The following CEACAM8 variants were observed in gnomAD, a reference collection of about 807,000 sequenced individuals.
The protein encoded by CEACAM8 is CEA cell adhesion molecule 8.
Under a neutral mutation model 33.4 loss-of-function variants are expected in CEACAM8, and 31 were observed. The observed-to-expected ratio is 0.93, with a 90% confidence interval of 0.70 to 1.25. The LOEUF (loss-of-function observed/expected upper bound fraction) is 1.25. Ranked by LOEUF, CEACAM8 falls within the 50% of genes most tolerant of loss-of-function variation. The pLI, the probability that CEACAM8 is intolerant of heterozygous loss-of-function variation, is 0.00. For missense variants in CEACAM8, 388 were observed against 434.6 expected (o/e 0.89, Z 0.95); for synonymous variants, 138 against 164.5 (o/e 0.84, Z 1.23).
chr19:42,585,168 T>C (rs1395741748), intron 4 of CEACAM8, among the ~76,000 whole-genome samples: 1 of 151,960 alleles, frequency 6.6e-6, no homozygotes, highest in Non-Finnish European at 1.5e-5. Flanking sequence ...CATGATGGTA[T>C]GCACCTGTAG....
chr19:42,587,295 G>A (rs190224834), intron 4 of CEACAM8, among the ~76,000 whole-genome samples: 1 of 152,290 alleles, frequency 6.6e-6, no homozygotes, highest in African/African-American at 2.4e-5. Context: ...GTACACTGAT[G>A]TTCACAGCAG....
intron 4 of CEACAM8, among the ~76,000 whole-genome samples, chr19:42,586,643 A>G (rs376401832): frequency 4.9e-4 from 75 of 152,304 alleles, no homozygotes; most frequent in African/African-American, 1.8e-3. Flanking sequence ...AGAAGAAAAC[A>G]CAGGGAAAAA....
At chr19:42,581,946 T>TAA (rs1555805384) in intron 5 of CEACAM8, among the ~76,000 whole-genome samples, 4,032 of 83,626 alleles carry the variant, frequency 0.048, 143 homozygotes, top group South Asian at 0.1. Flanking sequence ...TATATATATA[T>TAA]AAAATAAGGT....
Position 42,593,859 on chromosome 19 carries a change from G to C in CEACAM8, c.106C>G (p.Leu36Val), listed in dbSNP as rs777382275. ...TTGGATGGCACAGCTTCAATAGTGA[G>C]CTGAGCAGTGGTGGGCGGGTTCCAG... is the stretch of plus-strand genomic sequence containing the variant. ...TFWNPPTTAQ[L>V]TIEAVPSNAA... The change falls in exon 2 of 6, where the codon CTC becomes GTC. Residue 36 changes from leucine (L) to valine (V), a missense_variant. Coordinates refer to ENST00000244336, the MANE Select transcript of CEACAM8 (RefSeq NM_001816.4). 5.0e-6 allele frequency: 8 copies of C among 1,610,998 alleles called. No homozygotes were observed. Among genetic ancestry groups the C allele is most frequent in the Non-Finnish European group, 5.9e-6 (7 of 1,177,852 alleles).
chr19:42,587,451 T>A (rs1035965553), intron 4 of CEACAM8, among the ~76,000 whole-genome samples: 4 of 152,216 alleles, frequency 2.6e-5, no homozygotes, highest in Non-Finnish European at 5.9e-5. Context: ...GCAAAATGGA[T>A]GAACCTTAAA....
intron 4 of CEACAM8, among the ~76,000 whole-genome samples, chr19:42,585,133 A>G (rs1393798802): frequency 6.6e-6 from 1 of 152,022 alleles, no homozygotes; most frequent in Non-Finnish European, 1.5e-5. Context: ...TGTCTCTACA[A>G]AATTAAAACA....
chr19:42,593,492 G>A, intron 2 of CEACAM8, 49 bp downstream of exon 2: 2 of 1,531,032 alleles, frequency 1.3e-6, no homozygotes, highest in Non-Finnish European at 1.8e-6. Context: ...CCTGTGTGTG[G>A]GAAGTAGAAC....
intron 4 of CEACAM8, among the ~76,000 whole-genome samples, chr19:42,584,358 C>T (rs572847644): frequency 1.3e-5 from 2 of 152,314 alleles, no homozygotes; most frequent in Admixed American, 1.3e-4. Context: ...AGGCCCTGTG[C>T]TAAATACTTT....
chr19:42,589,865 T>C lies in CEACAM8; in HGVS notation c.425-130A>G, dbSNP rs1051207129. 5 of 1,535,536 alleles carry C rather than the reference T, an allele frequency of 3.3e-6. No homozygotes were observed. The African/African-American group carries it at 5.5e-5, about 17-fold the overall frequency. The stretch of plus-strand genomic sequence containing the variant: ...TCCTTAAAAGCCCACGGTGGGTGTG[T>C]GTGTCACAAGACAGATGCACAATGA... On this transcript the variant is annotated intron_variant, in intron 2 of 5. Transcript: ENST00000244336.
chr19:42,586,061 A>T (rs745771008), intron 4 of CEACAM8, among the ~76,000 whole-genome samples: 4 of 152,208 alleles, frequency 2.6e-5, no homozygotes, highest in African/African-American at 9.6e-5. Flanking sequence ...TATTCTGAAA[A>T]CTAGAAAACA....
chr19:42,591,377 C>T (rs1450552872), intron 2 of CEACAM8, among the ~76,000 whole-genome samples: 4 of 152,096 alleles, frequency 2.6e-5, no homozygotes, highest in African/African-American at 4.8e-5. Context: ...GAGGGAGGCA[C>T]GTGAGTCCTG....
chr19:42,594,146 A>C (rs576433461), intron 1 of CEACAM8, among the ~76,000 whole-genome samples: 3 of 152,122 alleles, frequency 2.0e-5, no homozygotes, highest in Non-Finnish European at 4.4e-5. Context: ...TGCTCACATC[A>C]GGGCATCCTT....
chr19:42,594,227 T>G (rs914554957), intron 1 of CEACAM8, among the ~76,000 whole-genome samples: 4 of 152,194 alleles, frequency 2.6e-5, no homozygotes, highest in African/African-American at 9.7e-5. Flanking sequence ...CCTGCTGTGT[T>G]CCTTCCAGGG....
intron 4 of CEACAM8, 140 bp downstream of exon 4, chr19:42,588,644 G>A: frequency 1.1e-6 from 1 of 902,748 alleles, no homozygotes; most frequent in Admixed American, 2.2e-5. Context: ...GATAAACTGG[G>A]AGGGTTTAGG....
At chr19:42,589,827 C>A in intron 2 of CEACAM8, 92 bp from the exon 3 acceptor site, 1 of 1,594,330 alleles carries the variant, frequency 6.3e-7, no homozygotes, top group Non-Finnish European at 8.6e-7. Flanking sequence ...TCCCACCTCT[C>A]AGCCTACTCG....
At chr19:42,589,362 G>A in intron 3 of CEACAM8, 95 bp downstream of exon 3, 1 of 1,576,094 alleles carries the variant, frequency 6.3e-7, no homozygotes, top group Non-Finnish European at 8.7e-7. Flanking sequence ...TGGGGAATCT[G>A]CATTTTTGGA....
In CEACAM8 at chr19:42,580,463, C is replaced by T. The variant is rs1176859991; in HGVS notation, c.*931G>A. The T allele has an allele frequency of 6.6e-6, 1 of 152,202 alleles. No individual in the cohort carries two copies. The highest frequency in any genetic ancestry group is 2.4e-5 in the African/African-American group (1 of 41,446). 9.4% of individuals were successfully genotyped at this position (152,202 alleles called of 1,614,324 possible). On this transcript the variant is annotated 3_prime_UTR_variant, in exon 6 of 6. Transcript: ENST00000244336. ...GGGTTGACACGATAGATTAGACACT[C>T]CGTTAATCTATCATTCTCTGTATTT... is the stretch of plus-strand genomic sequence containing the variant.
At chr19:42,583,477 G>T in intron 4 of CEACAM8, 140 bp from the exon 5 acceptor site, 1 of 658,134 alleles carries the variant, frequency 1.5e-6, no homozygotes, top group South Asian at 1.8e-5. Flanking sequence ...AGGTTGCTGG[G>T]ACGTGATTAG....
intron 4 of CEACAM8, among the ~76,000 whole-genome samples, chr19:42,585,624 C>T (rs1412297136): frequency 6.6e-6 from 1 of 152,116 alleles, no homozygotes; most frequent in Admixed American, 6.5e-5. Context: ...ATGTGAAAAG[C>T]CCAAGGCTAA....
Sources: allele counts gnomAD v4.1 joint callset (sites outside exome capture counted in the v4.1 genomes callset), GRCh38; gene constraint gnomAD v4.1.1; transcripts MANE v1.5; gene names NCBI Gene and HGNC (gene_info 2026-07-23, HGNC 2026-07-21).